Variants in RNF212 observed in about 807,000 individuals in gnomAD.
RNF212 encodes the protein ring finger protein 212, also known as probable E3 SUMO-protein ligase RNF212.
A neutral mutation model predicts 34.7 loss-of-function variants in RNF212; 33 were observed. The observed-to-expected ratio is 0.95, with a 90% CI of 0.72 to 1.27. The LOEUF (loss-of-function observed/expected upper bound fraction) is 1.27, where lower values mean the gene tolerates loss of function less well. Among genes scored for constraint, RNF212 ranks in the 50% most tolerant of loss-of-function variants. The probability of loss-of-function intolerance (pLI) is 0.00; values close to 1 mark genes in which losing one functional copy is unlikely to be tolerated. For synonymous variants in RNF212, 140 were observed against 136.1 expected (o/e 1.03, Z -0.20); for missense variants, 377 against 362.2 (o/e 1.04, Z -0.33).
chr4:1,061,573 C>T (rs535820622), intron 3 of RNF212, among the ~76,000 whole-genome samples: 1 of 152,170 alleles, frequency 6.6e-6, no homozygotes, highest in Non-Finnish European at 1.5e-5. Context: ...GATATCGGCT[C>T]CCCACATGCA....
Position 1,092,010 on chromosome 4 carries a change from C to G in RNF212, c.247-1172G>C, listed in dbSNP as rs116787348. 2.3e-4 allele frequency among the ~76,000 whole-genome samples: 35 copies of G among 152,358 alleles called. No homozygotes were observed. In the East Asian group the frequency reaches 5.2e-3, roughly 23 times the overall value. On this transcript the variant is annotated intron_variant, in intron 3 of 9. Transcript: ENST00000433731. ...AGGGCACCTTTCCCACCTTTGCCGACGCTTCTCAAGTCCTGCTGCCTGTCG... is the reference window on the plus strand; with the variant it reads ...AGGGCACCTTTCCCACCTTTGCCGAGGCTTCTCAAGTCCTGCTGCCTGTCG...
chr4:1,106,297 C>G (rs2153064752), intron 2 of RNF212, among the ~76,000 whole-genome samples: 1 of 151,464 alleles, frequency 6.6e-6, no homozygotes, highest in Admixed American at 6.6e-5. Flanking sequence ...CACAGTCACT[C>G]AGACACAGAG....
Position 1,096,885 on chromosome 4 carries a change from G to C in RNF212, c.172-46C>G, listed in dbSNP as rs573899951. ...TCTACATTTATTGTGTCTAATAAAC[G>C]CTTCTGGCCCCCAGTTAAAAACTGT... On this transcript the variant is annotated intron_variant, in intron 2 of 9. Coordinates refer to ENST00000433731, the MANE Select transcript of RNF212 (RefSeq NM_001131034.4). 4 of 1,392,980 alleles carry C rather than the reference G, an allele frequency of 2.9e-6. No individual in the cohort carries two copies. The African/African-American group carries it at 5.6e-5, about 19-fold the overall frequency. The allele number at this position is 1,392,980 out of a possible 1,614,324, so 86.3% of individuals were successfully genotyped here. A position where few individuals can be genotyped will look rare whatever the true frequency, so the allele number is the denominator to read the frequency against.
chr4:1,066,867 C>A (rs778538960), downstream of RNF212, among the ~76,000 whole-genome samples: 1 of 152,032 alleles, frequency 6.6e-6, no homozygotes, highest in Non-Finnish European at 1.5e-5. Flanking sequence ...CAGGAAATCA[C>A]TGCCACATCC....
intron 5 of RNF212, among the ~76,000 whole-genome samples, chr4:1,082,487 G>C (rs1010741322): frequency 6.6e-6 from 1 of 152,206 alleles, no homozygotes; most frequent in African/African-American, 2.4e-5. Flanking sequence ...TTTGAGATAC[G>C]AACAGTCTGC....
At chr4:1,112,727 C>T (rs1725900211) in intron 1 of RNF212, among the ~76,000 whole-genome samples, 1 of 143,640 alleles carries the variant, frequency 7.0e-6, no homozygotes, top group African/African-American at 2.6e-5. Context: ...GCGGCCCCTC[C>T]CCTCCACGGC....
chr4:1,106,564 C>T (rs73063716), intron 2 of RNF212, among the ~76,000 whole-genome samples: 7,349 of 152,132 alleles, frequency 0.048, 604 homozygotes, highest in African/African-American at 0.17. Flanking sequence ...CAGAGAAAAG[C>T]GGTACTCAAA....
At chr4:1,068,590 A>G (rs76622058), downstream of RNF212, among the ~76,000 whole-genome samples, 2,220 of 152,280 alleles carry the variant, frequency 0.015, 56 homozygotes, top group African/African-American at 0.05. Flanking sequence ...ATGTTTTGTA[A>G]GGTAATGAGA....
chr4:1,108,025 C>G (rs1226310206), intron 2 of RNF212, among the ~76,000 whole-genome samples: 1 of 152,166 alleles, frequency 6.6e-6, no homozygotes. Flanking sequence ...TTATATATGA[C>G]CCCTATACAA....
At chr4:1,069,977 G>A (rs539272869), downstream of RNF212, among the ~76,000 whole-genome samples, 10 of 152,174 alleles carry the variant, frequency 6.6e-5, no homozygotes, top group Admixed American at 2.0e-4. Context: ...CCTGAATTAC[G>A]GGTGGTTTTG....
At chr4:1,104,322 G>A (rs1336867815) in intron 2 of RNF212, among the ~76,000 whole-genome samples, 1 of 152,210 alleles carries the variant, frequency 6.6e-6, no homozygotes, top group East Asian at 1.9e-4. Flanking sequence ...CTTATTGTGG[G>A]GACACTTGTT....
At chr4:1,074,448 G>C (rs1019945242) in intron 8 of RNF212, among the ~76,000 whole-genome samples, 2 of 152,078 alleles carry the variant, frequency 1.3e-5, no homozygotes, top group Non-Finnish European at 1.5e-5. Flanking sequence ...TTCTGCCCCC[G>C]GCACAGCCAC....
At chr4:1,104,783 A>G (rs1724550638) in intron 2 of RNF212, among the ~76,000 whole-genome samples, 1 of 152,140 alleles carries the variant, frequency 6.6e-6, no homozygotes, top group African/African-American at 2.4e-5. Context: ...CCTGCAATCT[A>G]TGAGCTAGAA....
chr4:1,060,110 AAAAG>A (rs1373906013), intron 3 of RNF212, among the ~76,000 whole-genome samples: 1,625 of 132,308 alleles, frequency 0.012, 60 homozygotes, highest in South Asian at 0.058. Flanking sequence ...AAAAAAAAAA[AAAAG>A]AAAAAAGAAA....
At chr4:1,056,864 G>T in intron 4 of RNF212, 1 of 987,984 alleles carries the variant, frequency 1.0e-6, no homozygotes, top group Non-Finnish European at 1.2e-6. Context: ...CAGCAGGCTG[G>T]GGATGCTGAT....
rs1295225388 is a variant in RNF212 at position 1,084,712 on chromosome 4, G to A, written c.362+1184C>T. ...ACTGCACTCCAGCCTGGGTGACAGA[G>A]GAAGACCCTGTCTCAAAAAAAAAAA... On this transcript the variant is annotated intron_variant, in intron 5 of 9. Transcript: ENST00000433731. 1.5e-4 allele frequency among the ~76,000 whole-genome samples: 20 copies of A among 130,044 alleles called. No individual in the cohort carries two copies. The Admixed American group carries it at 1.6e-3, about 11-fold the overall frequency. The allele number at this position is 130,044 out of a possible 152,430, so 85.3% of individuals were successfully genotyped here.
intron 8 of RNF212, among the ~76,000 whole-genome samples, chr4:1,074,146 C>T (rs1405173537): frequency 6.6e-6 from 1 of 152,150 alleles, no homozygotes; most frequent in Non-Finnish European, 1.5e-5. Flanking sequence ...GCCGCTTCTG[C>T]CACCATCCCT....
At chr4:1,091,591 A>T (rs1056910969) in intron 3 of RNF212, among the ~76,000 whole-genome samples, 2 of 152,122 alleles carry the variant, frequency 1.3e-5, no homozygotes, top group African/African-American at 4.8e-5. Flanking sequence ...TGCGATGATA[A>T]CACAAGCAGG....
At chr4:1,087,483 G>T (rs1463044252) in intron 4 of RNF212, among the ~76,000 whole-genome samples, 1 of 122,254 alleles carries the variant, frequency 8.2e-6, no homozygotes, top group Non-Finnish European at 1.7e-5. Flanking sequence ...AGGATGGGGT[G>T]AGGGTGAGAG....
Sources: gnomAD v4.1 joint callset for allele counts (sites outside exome capture counted in the v4.1 genomes callset) on GRCh38, gnomAD v4.1.1 for gene constraint, MANE v1.5 for transcripts, NCBI Gene and HGNC (gene_info 2026-07-23, HGNC 2026-07-21) for gene names.